The following FMNL2 variants were observed in gnomAD, a reference collection of about 807,000 sequenced individuals.
The protein encoded by FMNL2 is formin-like protein 2.
In FMNL2, 51 loss-of-function variants were observed where a neutral mutation model predicts 130.2. The observed-to-expected ratio is 0.39, with a 90% CI of 0.31 to 0.49. The LOEUF (loss-of-function observed/expected upper bound fraction) is 0.49. FMNL2 is among the 20% of genes least tolerant of loss of function. The pLI is 0.85. For synonymous variants in FMNL2, 465 were observed against 467.1 expected, an observed-to-expected ratio of 1.00 and a Z score of 0.06; for missense variants, 977 against 1,316.2, an observed-to-expected ratio of 0.74 and a Z score of 3.99.
intron 1 of FMNL2, among the ~76,000 whole-genome samples, chr2:152,384,880 C>T (rs1380822243): frequency 6.6e-6 from 1 of 152,196 alleles, no homozygotes; most frequent in East Asian, 1.9e-4. Flanking sequence ...GATTTGGTTT[C>T]TTGTTTCTTC....
chr2:152,618,468 T>C (rs1432821647), intron 13 of FMNL2, among the ~76,000 whole-genome samples: 3 of 152,142 alleles, frequency 2.0e-5, no homozygotes, highest in Admixed American at 6.5e-5. Flanking sequence ...TTAGCTGATA[T>C]GTGTATCTAA....
At chr2:152,348,820 T>G (rs1682285755) in intron 1 of FMNL2, among the ~76,000 whole-genome samples, 3 of 30,664 alleles carry the variant, frequency 9.8e-5, no homozygotes, top group South Asian at 9.8e-4. Context: ...TTCTAAGGGT[T>G]TTTTTTTTTT....
intron 9 of FMNL2, among the ~76,000 whole-genome samples, chr2:152,581,598 G>A (rs1441548000): frequency 6.6e-6 from 1 of 152,022 alleles, no homozygotes; most frequent in African/African-American, 2.4e-5. Context: ...ATGACGCCGC[G>A]GGCCCTGCCC....
intron 9 of FMNL2, among the ~76,000 whole-genome samples, chr2:152,586,032 G>A (rs1243988061): frequency 6.6e-6 from 1 of 152,160 alleles, no homozygotes; most frequent in African/African-American, 2.4e-5. Context: ...AATCCTCTGA[G>A]GGCTTTGAGG....
chr2:152,589,574 G>A (rs1697269755), intron 9 of FMNL2, among the ~76,000 whole-genome samples: 1 of 152,132 alleles, frequency 6.6e-6, no homozygotes, highest in Non-Finnish European at 1.5e-5. Flanking sequence ...TTTCACTTGG[G>A]AAGTATTTCT....
intron 1 of FMNL2, among the ~76,000 whole-genome samples, chr2:152,512,159 T>TCAGACACAGCTCCTGGCACAGCAGTTAG (rs1692527689): frequency 6.6e-6 from 1 of 152,162 alleles, no homozygotes; most frequent in African/African-American, 2.4e-5. Flanking sequence ...ATGTGTGGAT[T>TCAGACACAGCTCCTGGCACAGCAGTTAG]CAGACACAGC....
chr2:152,424,821 T>C (rs1687114973), intron 1 of FMNL2, among the ~76,000 whole-genome samples: 1 of 152,204 alleles, frequency 6.6e-6, no homozygotes. Context: ...AAAGTGAGTA[T>C]GTGGAATGCA....
intron 10 of FMNL2, 28 bp from the exon 11 acceptor site, chr2:152,611,467 A>C (rs1698679526): frequency 1.4e-6 from 2 of 1,437,200 alleles, no homozygotes; most frequent in Non-Finnish European, 1.9e-6. Flanking sequence ...TTTGGAGCCC[A>C]TCTAACCCCT....
In FMNL2 at chr2:152,335,732, G is replaced by A; in HGVS notation, c.117+12G>A. On this transcript the variant is annotated intron_variant, in intron 1 of 25. Transcript: ENST00000288670. ...TTGCCATCGTGCTGGTAAGTGCGCG[G>A]CGGCGGTCGGGCGCGGGGACCCGGG... 1.3e-6 allele frequency: 2 copies of A among 1,556,836 alleles called. No homozygotes were observed. Among genetic ancestry groups the A allele is most frequent in the Non-Finnish European group, 1.7e-6 (2 of 1,153,276 alleles).
chr2:152,614,709 C>T lies in FMNL2; in HGVS notation c.1063-142C>T, dbSNP rs970269085. ...AGTGAGCTGAAATCATACCATTCCA[C>T]TCCAGCCTGGGTGACAGAGTGAAAC... On this transcript the variant is annotated intron_variant, in intron 11 of 25. Transcript: ENST00000288670. 1.7e-5 allele frequency: 13 copies of T among 776,722 alleles called. No homozygotes were observed. The African/African-American group carries it at 1.8e-4, about 11-fold the overall frequency. The allele number at this position is 776,722 out of a possible 1,614,324, so 48.1% of individuals were successfully genotyped here. A position where few individuals can be genotyped will look rare whatever the true frequency, so the allele number is the denominator to read the frequency against.
chr2:152,344,494 TTCAAC>T (rs1681999376), intron 1 of FMNL2, among the ~76,000 whole-genome samples: 1 of 152,124 alleles, frequency 6.6e-6, no homozygotes, highest in Admixed American at 6.6e-5. Flanking sequence ...AGATATTTGA[TTCAAC>T]TAAAAGCAAC....
chr2:152,445,228 A>ACTGTCTTCCCCAATTCTGTGATG (rs1274143292), intron 1 of FMNL2, among the ~76,000 whole-genome samples: 3 of 152,180 alleles, frequency 2.0e-5, no homozygotes, highest in Non-Finnish European at 4.4e-5. Flanking sequence ...TTCTTCTTCC[A>ACTGTCTTCCCCAATTCTGTGATG]CTGTCTTCCC....
chr2:152,355,704 T>TA (rs2105792043), intron 1 of FMNL2, among the ~76,000 whole-genome samples: 1 of 152,348 alleles, frequency 6.6e-6, no homozygotes, highest in East Asian at 1.9e-4. Flanking sequence ...GTCATAGTCA[T>TA]AGTCCATCAC....
chr2:152,521,364 A>T (rs1693075986), intron 1 of FMNL2, among the ~76,000 whole-genome samples: 1 of 152,196 alleles, frequency 6.6e-6, no homozygotes, highest in South Asian at 2.1e-4. Context: ...ACCTTCATAA[A>T]CCAATATAGC....
chr2:152,496,232 G>T (rs1397691245), intron 1 of FMNL2, among the ~76,000 whole-genome samples: 1 of 152,046 alleles, frequency 6.6e-6, no homozygotes, highest in Non-Finnish European at 1.5e-5. Flanking sequence ...TTCTAATTTG[G>T]AACAGTCAGT....
At chr2:152,486,302 T>G (rs1690826627) in intron 1 of FMNL2, among the ~76,000 whole-genome samples, 1 of 152,244 alleles carries the variant, frequency 6.6e-6, no homozygotes, top group Non-Finnish European at 1.5e-5. Flanking sequence ...CCTGCTACCC[T>G]CTGTTAAAGG....
At chr2:152,607,497 A>G (rs1698437641) in intron 10 of FMNL2, 84 bp downstream of exon 10, 1 of 906,480 alleles carries the variant, frequency 1.1e-6, no homozygotes, top group Admixed American at 2.2e-5. Flanking sequence ...ACACACACAC[A>G]CACACACACA....
chr2:152,502,558 G>A (rs916322796), intron 1 of FMNL2, among the ~76,000 whole-genome samples: 2 of 152,168 alleles, frequency 1.3e-5, no homozygotes, highest in Non-Finnish European at 2.9e-5. Context: ...GTGATGGCAG[G>A]CATCTGTAGT....
chr2:152,356,200 A>G (rs1682770360), intron 1 of FMNL2, among the ~76,000 whole-genome samples: 1 of 152,230 alleles, frequency 6.6e-6, no homozygotes, highest in Non-Finnish European at 1.5e-5. Flanking sequence ...GCAATGGCAC[A>G]TGGCAACCTC....
Sources: gnomAD v4.1 joint callset for allele counts (sites outside exome capture counted in the v4.1 genomes callset) on GRCh38, gnomAD v4.1.1 for gene constraint, MANE v1.5 for transcripts, NCBI Gene and HGNC (gene_info 2026-07-23, HGNC 2026-07-21) for gene names.